ANGPT1: variants seen among roughly 807,000 people sequenced by gnomAD.
ANGPT1 encodes the protein angiopoietin-1.
In ANGPT1, 17 loss-of-function variants were observed where a neutral mutation model predicts 62.2. The observed-to-expected ratio is 0.27, with a 90% CI of 0.19 to 0.41. The LOEUF (loss-of-function observed/expected upper bound fraction) is 0.41. Among genes scored for constraint, ANGPT1 ranks in the 10% least tolerant of loss-of-function variants. The pLI, the probability that ANGPT1 is intolerant of heterozygous loss-of-function variation, is 1.00. For missense variants in ANGPT1, 478 were observed against 594.9 expected (o/e 0.80, Z 2.04); for synonymous variants, 199 against 198.9 (o/e 1.00, Z 0.00).
intron 6 of ANGPT1, among the ~76,000 whole-genome samples, chr8:107,288,480 A>G (rs77528268): frequency 2.0e-3 from 303 of 152,276 alleles, no homozygotes; most frequent in African/African-American, 7.1e-3. Context: ...CCAGGAATGC[A>G]TATCAGAAAC....
intron 1 of ANGPT1, among the ~76,000 whole-genome samples, chr8:107,357,563 C>T (rs1816072740): frequency 6.6e-6 from 1 of 152,128 alleles, no homozygotes; most frequent in African/African-American, 2.4e-5. Context: ...AAAGGCTCTC[C>T]ACCAGATAAT....
chr8:107,497,893 T>C lies in ANGPT1; in HGVS notation c.-335A>G, dbSNP rs987980212. The C allele has an allele frequency of 6.6e-6, 3 of 451,898 alleles. No homozygotes were observed. Among genetic ancestry groups the C allele is most frequent in the African/African-American group, 6.1e-5 (3 of 49,560 alleles). The allele number at this position is 451,898 out of a possible 1,614,324, so 28.0% of individuals were successfully genotyped here. On this transcript the variant is annotated 5_prime_UTR_variant, in exon 1 of 9. Coordinates refer to ENST00000517746, the MANE Select transcript of ANGPT1 (RefSeq NM_001146.5). Reference sequence around the variant, plus strand: ...CGTGTACATATTCTAGACCCTTTCCTCTACCCTATCTGCTGCAGATCTGCT... The same window carrying C: ...CGTGTACATATTCTAGACCCTTTCCCCTACCCTATCTGCTGCAGATCTGCT...
At chr8:107,278,293 A>T (rs1179103045) in intron 7 of ANGPT1, among the ~76,000 whole-genome samples, 1 of 152,108 alleles carries the variant, frequency 6.6e-6, no homozygotes, top group Non-Finnish European at 1.5e-5. Context: ...TATGTTGCCC[A>T]GGCTGATGTC....
chr8:107,462,766 G>A (rs867171894), intron 1 of ANGPT1, among the ~76,000 whole-genome samples: 12 of 152,136 alleles, frequency 7.9e-5, no homozygotes, highest in Middle Eastern at 3.4e-3. Flanking sequence ...TAAACTCACA[G>A]CAAGCAGAAA....
rs1813204795 is a variant in ANGPT1 at position 107,249,667 on chromosome 8, A to T, written c.*2188T>A. 1 of 152,192 alleles carries T rather than the reference A, an allele frequency of 6.6e-6. No individual in the cohort carries two copies. The highest frequency in any genetic ancestry group is 2.1e-4 in the South Asian group (1 of 4,832). 9.4% of individuals were successfully genotyped at this position (152,192 alleles called of 1,614,324 possible). ...CATGTACGTATTACATAATACACATAACAATCATAAAACATTTTATACTGA... is the reference window on the plus strand; with the variant it reads ...CATGTACGTATTACATAATACACATTACAATCATAAAACATTTTATACTGA... On this transcript the variant is annotated 3_prime_UTR_variant, in exon 9 of 9. Coordinates refer to ENST00000517746, the MANE Select transcript of ANGPT1 (RefSeq NM_001146.5).
At chr8:107,439,250 A>G (rs1359749474) in intron 1 of ANGPT1, among the ~76,000 whole-genome samples, 2 of 152,268 alleles carry the variant, frequency 1.3e-5, no homozygotes, top group Non-Finnish European at 2.9e-5. Context: ...ACTAAGAACC[A>G]GGGCTTCAGA....
At chr8:107,300,034 G>GATATAGGTATATGTAGATAT (rs1814544521) in intron 5 of ANGPT1, among the ~76,000 whole-genome samples, 1 of 138,034 alleles carries the variant, frequency 7.2e-6, no homozygotes, top group Non-Finnish European at 1.6e-5. Flanking sequence ...GTTATATCTA[G>GATATAGGTATATGTAGATAT]ATATAACTAT....
chr8:107,482,915 C>A (rs1242122295), intron 1 of ANGPT1, among the ~76,000 whole-genome samples: 1 of 151,934 alleles, frequency 6.6e-6, no homozygotes, highest in Non-Finnish European at 1.5e-5. Context: ...CTCAAATGCC[C>A]AGTAATCAGA....
intron 5 of ANGPT1, among the ~76,000 whole-genome samples, chr8:107,296,452 A>G (rs990736915): frequency 6.6e-6 from 1 of 152,122 alleles, no homozygotes; most frequent in Non-Finnish European, 1.5e-5. Context: ...AAGGTTTCAG[A>G]AAAGTCAAGA....
At chr8:107,401,720 A>C (rs191081260) in intron 1 of ANGPT1, among the ~76,000 whole-genome samples, 1 of 152,342 alleles carries the variant, frequency 6.6e-6, no homozygotes, top group African/African-American at 2.4e-5. Context: ...TCCTTGCGGA[A>C]TTCAGATTTG....
chr8:107,347,145 C>A, intron 1 of ANGPT1, 48 bp from the exon 2 acceptor site: 2 of 1,547,604 alleles, frequency 1.3e-6, no homozygotes, highest in Non-Finnish European at 1.8e-6. Flanking sequence ...GCAAGGCCTC[C>A]CAGTTCGGGC....
intron 1 of ANGPT1, among the ~76,000 whole-genome samples, chr8:107,479,392 A>G (rs2130516667): frequency 6.6e-6 from 1 of 152,270 alleles, no homozygotes; most frequent in African/African-American, 2.4e-5. Flanking sequence ...AAAAGTTTCA[A>G]CCAATATGTA....
chr8:107,309,608 T>C (rs543812634), intron 4 of ANGPT1, among the ~76,000 whole-genome samples: 1 of 152,276 alleles, frequency 6.6e-6, no homozygotes, highest in Admixed American at 6.5e-5. Context: ...ATTTTATGGG[T>C]AGGTATAGGG....
intron 1 of ANGPT1, among the ~76,000 whole-genome samples, chr8:107,434,551 G>A (rs769808576): frequency 2.0e-5 from 3 of 152,028 alleles, no homozygotes; most frequent in Non-Finnish European, 4.4e-5. Context: ...AACGATTAAA[G>A]AGACTTTGCC....
intron 8 of ANGPT1, 139 bp from the exon 9 acceptor site, chr8:107,252,154 T>A: frequency 2.4e-6 from 2 of 841,846 alleles, no homozygotes; most frequent in South Asian, 3.6e-5. Context: ...GAGGCATCAG[T>A]AAATATATTC....
chr8:107,308,682 A>C (rs1814779671), intron 4 of ANGPT1, among the ~76,000 whole-genome samples: 1 of 152,184 alleles, frequency 6.6e-6, no homozygotes, highest in African/African-American at 2.4e-5. Context: ...CTTTGCCCAC[A>C]CCAATATCAG....
intron 4 of ANGPT1, among the ~76,000 whole-genome samples, chr8:107,306,754 G>C (rs1814727660): frequency 6.6e-6 from 1 of 151,978 alleles, no homozygotes; most frequent in African/African-American, 2.4e-5. Context: ...AGATACAATA[G>C]ACTTGATGGG....
intron 6 of ANGPT1, among the ~76,000 whole-genome samples, chr8:107,288,267 T>C (rs1257058132): frequency 6.6e-6 from 1 of 152,138 alleles, no homozygotes; most frequent in African/African-American, 2.4e-5. Context: ...TAAACTATAG[T>C]ACTAATGAAA....
At chr8:107,443,181 C>T (rs1811523757) in intron 1 of ANGPT1, among the ~76,000 whole-genome samples, 1 of 152,124 alleles carries the variant, frequency 6.6e-6, no homozygotes, top group African/African-American at 2.4e-5. Context: ...CATAAGATTT[C>T]TGAGGGCAGG....
Sources: allele counts gnomAD v4.1 joint callset (sites outside exome capture counted in the v4.1 genomes callset), GRCh38; gene constraint gnomAD v4.1.1; transcripts MANE v1.5; gene names NCBI Gene and HGNC (gene_info 2026-07-23, HGNC 2026-07-21).